The following ANKFY1 variants were observed in gnomAD, a reference collection of about 807,000 sequenced individuals.
ANKFY1 encodes ankyrin repeat and FYVE domain-containing protein 1.
ANKFY1 carries 47 observed loss-of-function variants against 128.3 expected under a neutral mutation model. That is an observed-to-expected ratio of 0.37 (90% CI 0.29 to 0.47). The LOEUF (loss-of-function observed/expected upper bound fraction) is 0.47, where lower values mean the gene tolerates loss of function less well. Among genes scored for constraint, ANKFY1 ranks in the 20% least tolerant of loss-of-function variants. ANKFY1 has a pLI of 1.00. For missense variants in ANKFY1, 1,222 were observed against 1,510.6 expected (o/e 0.81, Z 3.17); for synonymous variants, 553 against 601.6 (o/e 0.92, Z 1.18).
At position 4,185,121 on chromosome 17, in the gene ANKFY1, C is replaced by A. The variant is rs2059588127; in HGVS notation, c.1471-75G>T. On this transcript the variant is annotated intron_variant, in intron 11 of 24. Transcript: ENST00000341657. Reference sequence around the variant, plus strand: ...CACAAAGAGCGTGGCAGCCTAAGTGCAAAACCTCGGGTCCTTGGCTCATCC... The same window carrying A: ...CACAAAGAGCGTGGCAGCCTAAGTGAAAAACCTCGGGTCCTTGGCTCATCC... 8 of 1,372,676 alleles carry A rather than the reference C, an allele frequency of 5.8e-6. No individual in the cohort carries two copies. In the Admixed American group the frequency reaches 9.7e-5, roughly 17 times the overall value. 85.0% of individuals were successfully genotyped at this position (1,372,676 alleles called of 1,614,324 possible).
chr17:4,175,664 C>T (rs1234659823), intron 19 of ANKFY1, among the ~76,000 whole-genome samples: 3 of 152,118 alleles, frequency 2.0e-5, no homozygotes, highest in Non-Finnish European at 4.4e-5. Flanking sequence ...TCTGGGCGCC[C>T]AGTCTAATCA....
At chr17:4,221,224 T>C (rs1237107766) in intron 3 of ANKFY1, among the ~76,000 whole-genome samples, 1 of 152,234 alleles carries the variant, frequency 6.6e-6, no homozygotes, top group African/African-American at 2.4e-5. Context: ...TTTTTTACTT[T>C]ATTTATTTAG....
rs145085847 is a variant in ANKFY1 at position 4,204,659 on chromosome 17, C to T, written c.898+1662G>A. On this transcript the variant is annotated intron_variant, in intron 7 of 24. Transcript: ENST00000341657. ...AACTCAAAGATGATTTATCATCAAA[C>T]ATAAGAATTAACTCCCTGGGAGGAA... is the stretch of plus-strand genomic sequence containing the variant. Among the ~76,000 whole-genome samples, 527 of 152,044 alleles carry T rather than the reference C, an allele frequency of 3.5e-3. 3 individuals are homozygous for T. Among genetic ancestry groups the T allele is most frequent in the African/African-American group, 0.012 (500 of 41,484 alleles).
In ANKFY1 at chr17:4,183,387, C is replaced by G. The variant is rs979600891; in HGVS notation, c.1952+11G>C. The stretch of plus-strand genomic sequence containing the variant: ...ACCTGGTGTTAGGTGGAGAGAGCGG[C>G]TTCCTCCTACCTGACATTTATATCT... On this transcript the variant is annotated intron_variant, in intron 14 of 24. Coordinates refer to ENST00000341657, the MANE Select transcript of ANKFY1 (RefSeq NM_001330063.2). 3.1e-6 allele frequency: 5 copies of G among 1,612,524 alleles called. No homozygotes were observed. The African/African-American group carries it at 6.7e-5, about 22-fold the overall frequency.
rs907869838 is a variant in ANKFY1 at position 4,178,830 on chromosome 17, G to A, written c.2598+27C>T. 2 of 1,608,120 alleles carry A rather than the reference G, an allele frequency of 1.2e-6. No homozygotes were observed. Among genetic ancestry groups the A allele is most frequent in the Non-Finnish European group, 1.7e-6 (2 of 1,175,004 alleles). ...GGTTCCGCGACGCCCAGGACCATGT[G>A]GAGAAGGTCAGGTGTTATTCACTCA... On this transcript the variant is annotated intron_variant, in intron 18 of 24. Coordinates refer to ENST00000341657, the MANE Select transcript of ANKFY1 (RefSeq NM_001330063.2). This position sits in a 1 kb window ranked among gnomAD's most constrained non-coding sequence, Gnocchi z 4.1.
chr17:4,200,975 A>G (rs2143012639), intron 7 of ANKFY1, among the ~76,000 whole-genome samples: 1 of 152,288 alleles, frequency 6.6e-6, no homozygotes, highest in Non-Finnish European at 1.5e-5. Context: ...TCATTTGAAT[A>G]TACAGGTTTC....
intron 8 of ANKFY1, 86 bp downstream of exon 8, chr17:4,197,287 T>C: frequency 7.2e-7 from 1 of 1,396,786 alleles, no homozygotes. Flanking sequence ...CTAAAGAACA[T>C]GAACTCCCCG....
intron 3 of ANKFY1, among the ~76,000 whole-genome samples, chr17:4,233,866 C>G (rs1284638808): frequency 1.3e-5 from 2 of 152,322 alleles, no homozygotes; most frequent in East Asian, 3.9e-4. Flanking sequence ...ACAGTACCTT[C>G]TCAACTGACA....
chr17:4,221,589 G>T (rs1244328806), intron 3 of ANKFY1, among the ~76,000 whole-genome samples: 1 of 151,996 alleles, frequency 6.6e-6, no homozygotes, highest in African/African-American at 2.4e-5. Context: ...TTATGACTCT[G>T]GTTTAATTAA....
chr17:4,237,978 G>A (rs1966993141), intron 2 of ANKFY1, among the ~76,000 whole-genome samples: 1 of 151,950 alleles, frequency 6.6e-6, no homozygotes, highest in Non-Finnish European at 1.5e-5. Context: ...TACAGTAAAT[G>A]ACTACACATA....
In ANKFY1 at chr17:4,166,844, T is replaced by C. The variant is rs1567900413; in HGVS notation, c.*935A>G. The C allele has an allele frequency of 6.6e-6, 1 of 152,384 alleles. No homozygotes were observed. Among genetic ancestry groups the C allele is most frequent in the African/African-American group, 2.4e-5 (1 of 41,472 alleles). The allele number at this position is 152,384 out of a possible 1,614,324, so 9.4% of individuals were successfully genotyped here. A position where few individuals can be genotyped will look rare whatever the true frequency, so the allele number is the denominator to read the frequency against. On this transcript the variant is annotated 3_prime_UTR_variant, in exon 25 of 25. Transcript: ENST00000341657. ...ATCTCTTGCTCTAAAAGATGCTCTG[T>C]AGAGTTTTTCCTTGGAGATTCGTGT...
intron 23 of ANKFY1, among the ~76,000 whole-genome samples, chr17:4,170,162 G>A (rs919450463): frequency 2.6e-5 from 4 of 152,216 alleles, no homozygotes; most frequent in African/African-American, 9.7e-5. Flanking sequence ...CATGGCTACC[G>A]GGGATGTCGG....
Position 4,167,498 on chromosome 17 carries a change from T to G in ANKFY1, c.*281A>C. ...GTGTCCCTGTATGTTGCTAGCAGAA[T>G]GGGGAGAGGTCTAATTCCTAATCAC... On this transcript the variant is annotated 3_prime_UTR_variant, in exon 25 of 25. Transcript: ENST00000341657. The surrounding 1 kb of genome is among the most constrained non-coding windows in gnomAD (Gnocchi z 4.1). 7.1e-6 allele frequency: 2 copies of G among 281,246 alleles called. No homozygotes were observed. The highest frequency in any genetic ancestry group is 1.3e-5 in the Non-Finnish European group (2 of 151,214). The allele number at this position is 281,246 out of a possible 1,614,324, so 17.4% of individuals were successfully genotyped here. A position where few individuals can be genotyped will look rare whatever the true frequency, so the allele number is the denominator to read the frequency against.
In ANKFY1 at chr17:4,183,860, G is replaced by C; in HGVS notation, c.1750C>G (p.Leu584Val). ...NNLQIIPDFS[L>V]KDSRDQTVLG... is the part of the protein sequence containing the mutation. ...ACAGTCTGGTCTCGGGAATCTTTGAGGCTGAAGTCCGGAATGATCTGCAAG... is the reference window on the plus strand; with the variant it reads ...ACAGTCTGGTCTCGGGAATCTTTGACGCTGAAGTCCGGAATGATCTGCAAG... Residue 584 changes from leucine (L) to valine (V), a missense_variant, in exon 13 of 25, where the codon CTC becomes GTC. By Grantham distance (32) the Leu-to-Val change is conservative (BLOSUM62 1). Coordinates refer to ENST00000341657, the MANE Select transcript of ANKFY1 (RefSeq NM_001330063.2). The C allele has an allele frequency of 6.2e-7, 1 of 1,614,082 alleles. No homozygotes were observed. The highest frequency in any genetic ancestry group is 8.5e-7 in the Non-Finnish European group (1 of 1,179,934).
At chr17:4,261,593 T>C (rs1968419746) in intron 1 of ANKFY1, among the ~76,000 whole-genome samples, 2 of 152,238 alleles carry the variant, frequency 1.3e-5, no homozygotes, top group African/African-American at 4.8e-5. Flanking sequence ...CGTGTGTTTA[T>C]GGAGAGACAC....
rs745379002 is a variant in ANKFY1, at chr17:4,208,079, C to T, written c.586G>A (p.Asp196Asn). 10 of 1,601,696 alleles carry T rather than the reference C, an allele frequency of 6.2e-6. No homozygotes were observed. The African/African-American group carries it at 6.7e-5, about 11-fold the overall frequency. ...CTGCTGAAATCCTCCTTCCTCAGGT[C>T]GTCCTGAGAATTCACAACACAGTGA... ...CAEIIASHWD[D>N]LRKEDFSSMS... Residue 196 changes from aspartate to asparagine, a missense_variant, in exon 6 of 25, where the codon GAC becomes AAC. By Grantham distance (23) the Asp-to-Asn change is conservative. Transcript: ENST00000341657.
At position 4,181,078 on chromosome 17, in the gene ANKFY1, T is replaced by A. The variant is rs1295180214; in HGVS notation, c.2240+176A>T. The A allele has an allele frequency of 6.9e-6, 4 of 576,254 alleles. No homozygotes were observed. Among genetic ancestry groups the A allele is most frequent in the Non-Finnish European group, 1.2e-5 (4 of 320,514 alleles). 35.7% of individuals were successfully genotyped at this position (576,254 alleles called of 1,614,324 possible). A position where few individuals can be genotyped will look rare whatever the true frequency, so the allele number is the denominator to read the frequency against. ...GGCTGTGAGCTCCTCCCGTCACAAG[T>A]GAGCCTGGCTCCTGGCTGACTTGAC... On this transcript the variant is annotated intron_variant, in intron 16 of 24. Transcript: ENST00000341657. This position sits in a 1 kb window ranked among gnomAD's most constrained non-coding sequence, Gnocchi z 4.9.
intron 7 of ANKFY1, 127 bp downstream of exon 7, chr17:4,206,194 T>C: frequency 3.0e-6 from 3 of 1,004,610 alleles, no homozygotes. Flanking sequence ...AAATTCTAGA[T>C]CATGTAGCCT....
intron 1 of ANKFY1, among the ~76,000 whole-genome samples, chr17:4,258,368 A>T (rs1968234479): frequency 6.6e-6 from 1 of 152,100 alleles, no homozygotes; most frequent in Non-Finnish European, 1.5e-5. Context: ...TACCAAAAAT[A>T]CAAAAAATTA....
Sources: gnomAD v4.1 joint callset for allele counts (sites outside exome capture counted in the v4.1 genomes callset) on GRCh38, gnomAD v4.1.1 for gene constraint, Gnocchi (gnomAD v3.1) non-coding constraint, MANE v1.5 for transcripts, NCBI Gene and HGNC (gene_info 2026-07-23, HGNC 2026-07-21) for gene names.